RYK: variants seen among roughly 807,000 people sequenced by gnomAD.
RYK encodes receptor like tyrosine kinase.
Under a neutral mutation model 70.2 loss-of-function variants are expected in RYK, and 21 were observed. The observed-to-expected ratio is 0.30, with a 90% confidence interval of 0.21 to 0.43. The LOEUF (loss-of-function observed/expected upper bound fraction) is 0.43. Among genes scored for constraint, RYK ranks in the 20% least tolerant of loss-of-function variants. The pLI is 1.00. For synonymous variants in RYK, 267 were observed against 278.0 expected, an observed-to-expected ratio of 0.96 and a Z score of 0.39; for missense variants, 604 against 753.3, an observed-to-expected ratio of 0.80 and a Z score of 2.32.
chr3:134,206,444 T>A (rs1336879191), intron 5 of RYK, among the ~76,000 whole-genome samples: 1 of 142,796 alleles, frequency 7.0e-6, no homozygotes, highest in Non-Finnish European at 1.5e-5. Flanking sequence ...GGGTTGGTGG[T>A]TTCTGATTAA....
chr3:134,166,393 G>C (rs899012867), intron 13 of RYK, among the ~76,000 whole-genome samples: 8 of 152,274 alleles, frequency 5.3e-5, no homozygotes, highest in Admixed American at 5.2e-4. Context: ...TTCATTGTTT[G>C]TTATTTAAGT....
At chr3:134,234,531 A>T (rs1168164173) in intron 1 of RYK, among the ~76,000 whole-genome samples, 1 of 152,150 alleles carries the variant, frequency 6.6e-6, no homozygotes, top group Admixed American at 6.6e-5. Context: ...TATCTGAATG[A>T]GAATAACATG....
intron 9 of RYK, among the ~76,000 whole-genome samples, chr3:134,188,073 A>T (rs953954967): frequency 7.2e-5 from 11 of 151,818 alleles, no homozygotes; most frequent in Non-Finnish European, 1.3e-4. Context: ...ACGCTGGCCC[A>T]AAAGAAGAAT....
At chr3:134,238,884 T>C (rs556925605) in intron 1 of RYK, among the ~76,000 whole-genome samples, 2 of 152,260 alleles carry the variant, frequency 1.3e-5, no homozygotes, top group South Asian at 2.1e-4. Context: ...AAATTAGAAA[T>C]TGTATTTCCT....
intron 13 of RYK, among the ~76,000 whole-genome samples, chr3:134,169,528 T>C (rs181515696): frequency 2.0e-5 from 3 of 152,330 alleles, no homozygotes; most frequent in African/African-American, 7.2e-5. Context: ...CATTTATAAC[T>C]AGTCAAATCT....
At chr3:134,237,092 A>C (rs1296324751) in intron 1 of RYK, among the ~76,000 whole-genome samples, 1 of 152,196 alleles carries the variant, frequency 6.6e-6, no homozygotes, top group Non-Finnish European at 1.5e-5. Context: ...AAAACTCTTA[A>C]GGCTTATCAA....
intron 1 of RYK, among the ~76,000 whole-genome samples, chr3:134,229,014 T>A (rs112250850): frequency 0.01 from 1,581 of 152,052 alleles, 25 homozygotes; most frequent in African/African-American, 0.035. Context: ...AATAAAAATT[T>A]AAAAAATAAA....
chr3:134,210,964 C>T (rs796158528), intron 3 of RYK, among the ~76,000 whole-genome samples: 3 of 152,038 alleles, frequency 2.0e-5, no homozygotes, highest in Non-Finnish European at 4.4e-5. Flanking sequence ...AAAGATGATC[C>T]CAAATACTGA....
intron 1 of RYK, among the ~76,000 whole-genome samples, chr3:134,225,955 AG>A (rs1454346653): frequency 1.3e-5 from 2 of 152,146 alleles, no homozygotes; most frequent in East Asian, 3.8e-4. Flanking sequence ...TGAAAAAGTG[AG>A]GGGGGATTAA....
chr3:134,245,584 G>A (rs901367444), intron 1 of RYK, among the ~76,000 whole-genome samples: 3 of 152,022 alleles, frequency 2.0e-5, no homozygotes, highest in East Asian at 1.9e-4. Context: ...GGGAGCCACC[G>A]AAAGAGGTGT....
At chr3:134,235,595 A>G (rs2015180412) in intron 1 of RYK, among the ~76,000 whole-genome samples, 1 of 152,168 alleles carries the variant, frequency 6.6e-6, no homozygotes, top group African/African-American at 2.4e-5. Flanking sequence ...AAAAAATTAA[A>G]AGAGAAAAGC....
At chr3:134,203,656 G>T (rs1196307955) in intron 5 of RYK, among the ~76,000 whole-genome samples, 1 of 152,194 alleles carries the variant, frequency 6.6e-6, no homozygotes, top group African/African-American at 2.4e-5. Context: ...AAAGAAAAAA[G>T]ATTTTAAATA....
intron 1 of RYK, among the ~76,000 whole-genome samples, chr3:134,229,472 C>A (rs1258211713): frequency 4.7e-5 from 7 of 148,666 alleles, no homozygotes; most frequent in South Asian, 4.2e-4. Flanking sequence ...CATAAAGCAA[C>A]CAGAAAAAAC....
chr3:134,228,029 C>T (rs2014956411), intron 1 of RYK, among the ~76,000 whole-genome samples: 1 of 152,198 alleles, frequency 6.6e-6, no homozygotes, highest in African/African-American at 2.4e-5. Flanking sequence ...GTGGCTCATG[C>T]CAATAATCCC....
At chr3:134,174,268 C>A (rs540823825) in intron 13 of RYK, among the ~76,000 whole-genome samples, 2 of 152,190 alleles carry the variant, frequency 1.3e-5, no homozygotes, top group South Asian at 2.1e-4. Flanking sequence ...AAGTGAACCA[C>A]GAGAGACTAT....
intron 9 of RYK, among the ~76,000 whole-genome samples, chr3:134,186,829 TAC>T (rs910802935): frequency 6.6e-6 from 1 of 152,142 alleles, no homozygotes; most frequent in Non-Finnish European, 1.5e-5. Flanking sequence ...AGCCCAGTTC[TAC>T]ACAGTCTATA....
chr3:134,226,037 G>A (rs191508715), intron 1 of RYK, among the ~76,000 whole-genome samples: 130 of 152,012 alleles, frequency 8.6e-4, no homozygotes, highest in Non-Finnish European at 7.6e-4. Flanking sequence ...AAATCATACA[G>A]GCTACCTTCC....
chr3:134,194,992 T>C (rs1023337232), intron 7 of RYK, 90 bp downstream of exon 7: 3 of 885,762 alleles, frequency 3.4e-6, no homozygotes, highest in African/African-American at 1.7e-5. Flanking sequence ...TTACACAACA[T>C]GTCCCACAAG....
rs569982060 is a variant in RYK at position 134,173,904 on chromosome 3, T to C, written c.1575+1705A>G. Among the ~76,000 whole-genome samples the C allele has an allele frequency of 8.5e-5, 13 of 152,376 alleles. No homozygotes were observed. The South Asian group carries it at 1.7e-3, about 19-fold the overall frequency. ...AAGAAATCTTAGATCATTTCAATTA[T>C]TGACTGCAGTGAACTGAATGGTAGC... On this transcript the variant is annotated intron_variant, in intron 13 of 14. Transcript: ENST00000623711.
Sources: gnomAD v4.1 joint callset for allele counts (sites outside exome capture counted in the v4.1 genomes callset) on GRCh38, gnomAD v4.1.1 for gene constraint, MANE v1.5 for transcripts, NCBI Gene and HGNC (gene_info 2026-07-23, HGNC 2026-07-21) for gene names.